ARHGAP25: variants seen among roughly 807,000 people sequenced by gnomAD.
The protein encoded by ARHGAP25 is rho GTPase-activating protein 25.
In ARHGAP25, 34 loss-of-function variants were observed where a neutral mutation model predicts 71.0. The ratio of observed to expected loss-of-function variants is 0.48; its 90% CI spans 0.36 to 0.64. The LOEUF is 0.64. Ranked by LOEUF, ARHGAP25 falls within the 30% of genes least tolerant of loss-of-function variation. ARHGAP25 has a pLI of 0.00. For missense variants in ARHGAP25, 706 were observed against 805.1 expected (o/e 0.88, Z 1.49); for synonymous variants, 282 against 296.5 (o/e 0.95, Z 0.50).
chr2:68,821,718 T>C (rs967505185), intron 9 of ARHGAP25, among the ~76,000 whole-genome samples: 1 of 152,174 alleles, frequency 6.6e-6, no homozygotes. Context: ...TCTTGTATTA[T>C]GAGAGAGGCT....
Position 68,787,974 on chromosome 2 carries a change from C to A in ARHGAP25, c.466+18C>A. The A allele has an allele frequency of 6.3e-7, 1 of 1,594,632 alleles. No homozygotes were observed. The highest frequency in any genetic ancestry group is 8.6e-7 in the Non-Finnish European group (1 of 1,162,276). On this transcript the variant is annotated intron_variant, in intron 4 of 10. Transcript: ENST00000409202. ...CTGTGGAGGTAAGGACCCCTGCAGG[C>A]TTTCCTGGGCAGGTGCCTATGACAT...
At chr2:68,782,365 TTCCC>T (rs1678403290) in intron 3 of ARHGAP25, 45 bp downstream of exon 3, 2 of 1,568,342 alleles carry the variant, frequency 1.3e-6, no homozygotes, top group Non-Finnish European at 1.8e-6. Flanking sequence ...AGAAGTAAAA[TTCCC>T]ATTTTACTTC....
chr2:68,814,602 T>C (rs970690180), intron 6 of ARHGAP25, among the ~76,000 whole-genome samples: 2 of 152,186 alleles, frequency 1.3e-5, no homozygotes, highest in African/African-American at 4.8e-5. Flanking sequence ...TCTTCCACAC[T>C]TCAAAATTTA....
chr2:68,713,065 T>C (rs142213385), intron 2 of ARHGAP25, among the ~76,000 whole-genome samples: 3,765 of 152,294 alleles, frequency 0.025, 148 homozygotes, highest in African/African-American at 0.085. Flanking sequence ...GGTAGCTTGA[T>C]AGGGATGGCA....
At chr2:68,810,112 A>C (rs1314450929) in intron 5 of ARHGAP25, among the ~76,000 whole-genome samples, 2 of 132,472 alleles carry the variant, frequency 1.5e-5, no homozygotes, top group African/African-American at 5.8e-5. Flanking sequence ...CTCCTGACTT[A>C]CTCTTAGCCC....
At position 68,713,540 on chromosome 2, in the gene ARHGAP25, C is replaced by T. The variant is rs534484079; in HGVS notation, c.-18+2842C>T. ...CAGAACCTCCGATACTATGTTGAAT[C>T]GGAGTGGTGAGAGAGGACATCCTTG... On this transcript the variant is annotated intron_variant and NMD_transcript_variant, in intron 2 of 7. Transcript: ENST00000463483. 7.9e-5 allele frequency among the ~76,000 whole-genome samples: 12 copies of T among 152,214 alleles called. No individual in the cohort carries two copies. In the East Asian group the frequency reaches 1.3e-3, roughly 17 times the overall value.
At chr2:68,713,852 A>T (rs542222555) in intron 2 of ARHGAP25, among the ~76,000 whole-genome samples, 30 of 152,282 alleles carry the variant, frequency 2.0e-4, no homozygotes, top group Admixed American at 1.8e-3. Flanking sequence ...ATCATGGTGG[A>T]TAAGTTTTTT....
chr2:68,811,926 C>G (rs1217945962), intron 5 of ARHGAP25, among the ~76,000 whole-genome samples: 3 of 152,198 alleles, frequency 2.0e-5, no homozygotes, highest in Non-Finnish European at 4.4e-5. Flanking sequence ...CACGATGCTA[C>G]CAGGGCTGCT....
intron 1 of ARHGAP25, among the ~76,000 whole-genome samples, chr2:68,749,363 C>T (rs1558612508): frequency 6.6e-6 from 1 of 152,134 alleles, no homozygotes; most frequent in Non-Finnish European, 1.5e-5. Context: ...TTGAGCCATC[C>T]CTTGGCCTCA....
At chr2:68,821,275 T>C (rs1199713411) in intron 9 of ARHGAP25, among the ~76,000 whole-genome samples, 1 of 152,030 alleles carries the variant, frequency 6.6e-6, no homozygotes, top group Non-Finnish European at 1.5e-5. Flanking sequence ...GTTTTGCGTA[T>C]TTTTTGTAGA....
chr2:68,793,759 C>T (rs1679354311), intron 4 of ARHGAP25, among the ~76,000 whole-genome samples: 1 of 152,014 alleles, frequency 6.6e-6, no homozygotes, highest in Non-Finnish European at 1.5e-5. Context: ...GCTATTTGAG[C>T]CCTTTTTTGG....
chr2:68,801,773 A>G (rs1679984154), intron 4 of ARHGAP25, among the ~76,000 whole-genome samples: 1 of 152,200 alleles, frequency 6.6e-6, no homozygotes, highest in African/African-American at 2.4e-5. Context: ...GACAGTGATA[A>G]CATCGAGGAA....
At chr2:68,794,469 T>G (rs1679400610) in intron 4 of ARHGAP25, among the ~76,000 whole-genome samples, 1 of 152,196 alleles carries the variant, frequency 6.6e-6, no homozygotes, top group African/African-American at 2.4e-5. Context: ...TTGAGAATTT[T>G]TATTATGAAC....
In ARHGAP25 at chr2:68,787,916, G is replaced by A. The variant is rs1678870417; in HGVS notation, c.426G>A (p.Trp142Ter). 1.2e-6 allele frequency: 2 copies of A among 1,614,064 alleles called. No homozygotes were observed. Among genetic ancestry groups the A allele is most frequent in the African/African-American group, 2.7e-5 (2 of 74,914 alleles). ...MASSQAEMEE[W>*]VKFLRRVAGT... ...GCTCTCAGGCGGAGATGGAGGAGTG[G>A]GTTAAATTCCTCAGGAGAGTTGCTG... The change falls in exon 4 of 11, where the codon TGG becomes TGA. Residue 142 changes from tryptophan to a stop codon, truncating the protein, a stop_gained. Coordinates refer to ENST00000409202, the MANE Select transcript of ARHGAP25 (RefSeq NM_001007231.3). LOFTEE classifies it high-confidence loss of function.
intron 1 of ARHGAP25, among the ~76,000 whole-genome samples, chr2:68,762,094 T>C (rs911023854): frequency 3.3e-5 from 5 of 152,164 alleles, no homozygotes; most frequent in Non-Finnish European, 7.3e-5. Context: ...CACCGATGAA[T>C]CTTGAGGACA....
At chr2:68,758,044 A>G (rs1346640189) in intron 1 of ARHGAP25, among the ~76,000 whole-genome samples, 1 of 152,066 alleles carries the variant, frequency 6.6e-6, no homozygotes. Flanking sequence ...AAATTAGAAT[A>G]TCATCACTTT....
At chr2:68,779,362 C>T (rs919735905) in intron 2 of ARHGAP25, among the ~76,000 whole-genome samples, 3 of 152,176 alleles carry the variant, frequency 2.0e-5, no homozygotes, top group African/African-American at 4.8e-5. Context: ...GAAATAACCA[C>T]AACAGCAGAA....
At chr2:68,788,026 G>A (rs1678879657) in intron 4 of ARHGAP25, 70 bp downstream of exon 4, 6 of 1,221,286 alleles carry the variant, frequency 4.9e-6, no homozygotes, top group Non-Finnish European at 7.3e-6. Context: ...TAGCTCCAAT[G>A]TGATAGCTCC....
intron 1 of ARHGAP25, among the ~76,000 whole-genome samples, chr2:68,738,549 C>G (rs1675337111): frequency 6.6e-6 from 1 of 152,134 alleles, no homozygotes; most frequent in Non-Finnish European, 1.5e-5. Flanking sequence ...TGAATGTGGT[C>G]TGTTTGCTGT....
Sources: gnomAD v4.1 joint callset for allele counts (sites outside exome capture counted in the v4.1 genomes callset) on GRCh38, gnomAD v4.1.1 for gene constraint, MANE v1.5 for transcripts, NCBI Gene and HGNC (gene_info 2026-07-23, HGNC 2026-07-21) for gene names.